Variants in TTI2 observed in about 807,000 individuals in gnomAD.
The protein encoded by TTI2 is TELO2 interacting protein 2.
Under a neutral mutation model 44.9 loss-of-function variants are expected in TTI2, and 26 were observed. The ratio of observed to expected loss-of-function variants is 0.58; its 90% CI spans 0.42 to 0.80. The LOEUF (loss-of-function observed/expected upper bound fraction) is 0.80. TTI2 is among the 30% of genes least tolerant of loss of function. TTI2 has a pLI of 0.00. For synonymous variants in TTI2, 254 were observed against 250.9 expected (o/e 1.01, Z -0.12); for missense variants, 582 against 611.6 (o/e 0.95, Z 0.51).
chr8:33,498,975 A>C lies in TTI2; in HGVS notation c.*198T>G. 1 of 600,702 alleles carries C rather than the reference A, an allele frequency of 1.7e-6. No homozygotes were observed. The highest frequency in any genetic ancestry group is 2.9e-6 in the Non-Finnish European group (1 of 342,362). The allele number at this position is 600,702 out of a possible 1,614,324, so 37.2% of individuals were successfully genotyped here. Reference sequence around the variant, plus strand: ...GGTGTCCTTTTTTCTCCCAAACTTTATTTAGAAATGGAAGGAGTTCAATTT... The same window carrying C: ...GGTGTCCTTTTTTCTCCCAAACTTTCTTTAGAAATGGAAGGAGTTCAATTT... On this transcript the variant is annotated 3_prime_UTR_variant, in exon 8 of 8. Coordinates refer to ENST00000431156, the MANE Select transcript of TTI2 (RefSeq NM_001102401.4).
At chr8:33,500,606 C>G (rs1296892613) in intron 6 of TTI2, 116 bp from the exon 7 acceptor site, 28 of 1,296,544 alleles carry the variant, frequency 2.2e-5, no homozygotes, top group Non-Finnish European at 2.8e-5. Flanking sequence ...GAACTTAGGT[C>G]AAAGTTAAAT....
intron 2 of TTI2, among the ~76,000 whole-genome samples, chr8:33,510,974 T>TC (rs1809507136): frequency 1.3e-5 from 2 of 152,184 alleles, no homozygotes; most frequent in Non-Finnish European, 2.9e-5. Context: ...GTAATGAGAT[T>TC]CAAGATCCCC....
chr8:33,505,673 TA>T (rs1809267893), intron 4 of TTI2, among the ~76,000 whole-genome samples: 1 of 151,802 alleles, frequency 6.6e-6, no homozygotes, highest in African/African-American at 2.4e-5. Flanking sequence ...ATTTGTTTTT[TA>T]GACGGAGTGT....
At position 33,499,220 on chromosome 8, in the gene TTI2, T is replaced by C. The variant is rs186850947; in HGVS notation, c.1480A>G (p.Arg494Gly). 66 of 1,614,180 alleles carry C rather than the reference T, an allele frequency of 4.1e-5. No individual in the cohort carries two copies. In the East Asian group the frequency reaches 1.4e-3, roughly 33 times the overall value. The change falls in exon 8 of 8, where the codon AGA (arginine) becomes GGA (glycine). Residue 494 changes from arginine (R) to glycine (G), a missense_variant. Arg to Gly is a moderately radical substitution (Grantham distance 125). Coordinates refer to ENST00000431156, the MANE Select transcript of TTI2 (RefSeq NM_001102401.4). ...CCTTCAGAAACCTGCTGCACTTTTC[T>C]GATATAGTTCACCACTTTTCTGTCT... ...CEDRKVVNYI[R>G]KVQQVSEGAP...
chr8:33,502,162 T>C (rs541225053), intron 6 of TTI2, among the ~76,000 whole-genome samples: 2 of 152,214 alleles, frequency 1.3e-5, no homozygotes, highest in East Asian at 3.9e-4. Context: ...CAGGCTGGTC[T>C]TGAACTCCTG....
In TTI2 at chr8:33,498,939, C is replaced by G; in HGVS notation, c.*234G>C. Reference sequence around the variant, plus strand: ...TGTAAATATTTCTAAATTTTAAATGCTACATTACTTGGTGTCCTTTTTTCT... The same window carrying G: ...TGTAAATATTTCTAAATTTTAAATGGTACATTACTTGGTGTCCTTTTTTCT... On this transcript the variant is annotated 3_prime_UTR_variant, in exon 8 of 8. Coordinates refer to ENST00000431156, the MANE Select transcript of TTI2 (RefSeq NM_001102401.4). 1 of 582,876 alleles carries G rather than the reference C, an allele frequency of 1.7e-6. No individual in the cohort carries two copies. 36.1% of individuals were successfully genotyped at this position (582,876 alleles called of 1,614,324 possible). A position where few individuals can be genotyped will look rare whatever the true frequency, so the allele number is the denominator to read the frequency against.
At position 33,503,495 on chromosome 8, in the gene TTI2, G is replaced by A. The variant is rs778045782; in HGVS notation, c.1193C>T (p.Pro398Leu). 1 of 1,614,102 alleles carries A rather than the reference G, an allele frequency of 6.2e-7. No individual in the cohort carries two copies. The highest frequency in any genetic ancestry group is 8.5e-7 in the Non-Finnish European group (1 of 1,180,022). The part of the protein sequence containing the change: ...IIGYLEVYDG[P>L]EEEARLKILE... Reference sequence around the variant, plus strand: ...TATCTTCAGTCTAGCTTCCTCCTCAGGTCCATCATAAACCTCCAGATAACC... The same window carrying A: ...TATCTTCAGTCTAGCTTCCTCCTCAAGTCCATCATAAACCTCCAGATAACC... The change falls in exon 6 of 8, where the codon CCT becomes CTT. Residue 398 changes from proline to leucine, a missense_variant. Coordinates refer to ENST00000431156, the MANE Select transcript of TTI2 (RefSeq NM_001102401.4).
intron 3 of TTI2, among the ~76,000 whole-genome samples, chr8:33,508,806 C>T (rs1809401393): frequency 6.6e-6 from 1 of 151,504 alleles, no homozygotes; most frequent in Non-Finnish European, 1.5e-5. Flanking sequence ...GGATATAGTC[C>T]CTTTCAGGCT....
chr8:33,503,987 A>C, intron 4 of TTI2, 52 bp from the exon 5 acceptor site: 3 of 1,584,006 alleles, frequency 1.9e-6, no homozygotes, highest in Non-Finnish European at 2.6e-6. Flanking sequence ...TTGCATTTAC[A>C]ATACTCACTG....
At chr8:33,507,838 A>G (rs1417314396) in intron 3 of TTI2, among the ~76,000 whole-genome samples, 2 of 151,446 alleles carry the variant, frequency 1.3e-5, no homozygotes, top group Non-Finnish European at 2.9e-5. Flanking sequence ...AAAAATTAAA[A>G]AATTAGTTGG....
At chr8:33,503,365 A>T in intron 6 of TTI2, 64 bp downstream of exon 6, 1 of 1,610,736 alleles carries the variant, frequency 6.2e-7, no homozygotes, top group Non-Finnish European at 8.5e-7. Context: ...GAATGTATTA[A>T]ATACATCCAA....
intron 6 of TTI2, among the ~76,000 whole-genome samples, chr8:33,502,357 T>G (rs1286726941): frequency 6.6e-6 from 1 of 152,248 alleles, no homozygotes; most frequent in African/African-American, 2.4e-5. Flanking sequence ...AGCAAATGTT[T>G]TATTGCAACA....
In TTI2 at chr8:33,512,352, C is replaced by A. The variant is rs1809571797; in HGVS notation, c.262G>T (p.Ala88Ser). The A allele has an allele frequency of 6.2e-7, 1 of 1,614,224 alleles. No homozygotes were observed. The highest frequency in any genetic ancestry group is 8.5e-7 in the Non-Finnish European group (1 of 1,180,044). Reference sequence around the variant, plus strand: ...GAGGGGGCTGCATACTTCTCCAGGGCTTTTGCTACCTGCCCCAGTGTCTCC... The same window carrying A: ...GAGGGGGCTGCATACTTCTCCAGGGATTTTGCTACCTGCCCCAGTGTCTCC... ...MPETLGQVAK[A>S]LEKYAAPSKE... The change falls in exon 2 of 8, where the codon GCC (alanine) becomes TCC (serine). Residue 88 changes from alanine (A) to serine (S), a missense_variant. Physicochemically the swap from Ala to Ser is moderately conservative, Grantham distance 99. Coordinates refer to ENST00000431156, the MANE Select transcript of TTI2 (RefSeq NM_001102401.4).
In TTI2 at chr8:33,503,409, C is replaced by T. The variant is rs764888270; in HGVS notation, c.1259+20G>A. On this transcript the variant is annotated intron_variant, in intron 6 of 7. Coordinates refer to ENST00000431156, the MANE Select transcript of TTI2 (RefSeq NM_001102401.4). ...TCAAGAGAAAATCGGCTGAGTTTTG[C>T]ACCTTAAGGCTGCTATTACCTGGGC... 15 of 1,613,874 alleles carry T rather than the reference C, an allele frequency of 9.3e-6. No homozygotes were observed. Among genetic ancestry groups the T allele is most frequent in the East Asian group, 6.7e-5 (3 of 44,886 alleles).
At position 33,499,206 on chromosome 8, in the gene TTI2, C is replaced by CT; in HGVS notation, c.1493dup (p.Val499GlyfsTer3). Reference sequence around the variant, plus strand: ...CATTGTAGGGTGCGCCTTCAGAAACCTGCTGCACTTTTCTGATATAGTTCA... The same window carrying CT: ...CATTGTAGGGTGCGCCTTCAGAAACCTTGCTGCACTTTTCTGATATAGTTCA... On this transcript the variant is annotated frameshift_variant, in exon 8 of 8. Transcript: ENST00000431156. LOFTEE classifies it low-confidence loss of function (END_TRUNC). 1.9e-6 allele frequency: 3 copies of CT among 1,614,092 alleles called. No homozygotes were observed. The highest frequency in any genetic ancestry group is 2.5e-6 in the Non-Finnish European group (3 of 1,180,002).
At chr8:33,511,105 C>T (rs139827742) in intron 2 of TTI2, among the ~76,000 whole-genome samples, 3 of 152,166 alleles carry the variant, frequency 2.0e-5, no homozygotes, top group East Asian at 3.9e-4. Flanking sequence ...TGCAGTGGCC[C>T]GATCTCAGCT....
Position 33,512,478 on chromosome 8 carries a change from T to C in TTI2, c.136A>G (p.Asn46Asp), listed in dbSNP as rs775017280. ...TCTTTAAGAACTGCATCTTTTACATTGCCTCGTCGTGCCTCCGGGCGGGCA... is the reference window on the plus strand; with the variant it reads ...TCTTTAAGAACTGCATCTTTTACATCGCCTCGTCGTGCCTCCGGGCGGGCA... ...CLARPEARRGNVKDAVLKDLG... is the reference protein window; with the variant it reads ...CLARPEARRGDVKDAVLKDLG... Residue 46 changes from asparagine (N) to aspartate (D), a missense_variant, in exon 2 of 8, where the codon AAT (asparagine) becomes GAT (aspartate). Physicochemically the swap from Asn to Asp is conservative, Grantham distance 23 (BLOSUM62 1). Transcript: ENST00000431156. 1 of 1,614,028 alleles carries C rather than the reference T, an allele frequency of 6.2e-7. No individual in the cohort carries two copies. The highest frequency in any genetic ancestry group is 8.5e-7 in the Non-Finnish European group (1 of 1,179,936).
Position 33,503,803 on chromosome 8 carries a change from G to A in TTI2, c.1060C>T (p.His354Tyr). ...RLILTHMEPE[H>Y]RLLLRRTYAR... ...TAGGTCCTGCGTAAAAGAAGGCGGT[G>A]CTCTGGCTCCATGTGGGTCAGGATC... is the stretch of plus-strand genomic sequence containing the variant. Residue 354 changes from histidine (H) to tyrosine (Y), a missense_variant, in exon 5 of 8, where the codon CAC becomes TAC. His to Tyr is a moderately conservative substitution (Grantham distance 83, BLOSUM62 2). Transcript: ENST00000431156. 2 of 1,614,090 alleles carry A rather than the reference G, an allele frequency of 1.2e-6. No homozygotes were observed. The highest frequency in any genetic ancestry group is 1.1e-5 in the South Asian group (1 of 91,074).
At chr8:33,505,444 C>T (rs1180617861) in intron 4 of TTI2, among the ~76,000 whole-genome samples, 1 of 152,038 alleles carries the variant, frequency 6.6e-6, no homozygotes, top group African/African-American at 2.4e-5. Context: ...TAAAGTCAAC[C>T]CAAACCTAGT....
Sources: allele counts gnomAD v4.1 joint callset (sites outside exome capture counted in the v4.1 genomes callset), GRCh38; gene constraint gnomAD v4.1.1; transcripts MANE v1.5; gene names NCBI Gene and HGNC (gene_info 2026-07-23, HGNC 2026-07-21).